Variants in LINGO2 observed in about 807,000 individuals in gnomAD.
LINGO2 encodes leucine rich repeat and Ig domain containing 2.
In LINGO2, 14 loss-of-function variants were observed where a neutral mutation model predicts 30.6. That is an observed-to-expected ratio of 0.46 (90% CI 0.30 to 0.72). The LOEUF (loss-of-function observed/expected upper bound fraction) is 0.72, where lower values mean the gene tolerates loss of function less well. Ranked by LOEUF, LINGO2 falls within the 30% of genes least tolerant of loss-of-function variation. The probability of loss-of-function intolerance (pLI) is 0.07; values close to 1 mark genes in which losing one functional copy is unlikely to be tolerated. For synonymous variants in LINGO2, 317 were observed against 288.5 expected, an observed-to-expected ratio of 1.10 and a Z score of -1.00; for missense variants, 729 against 751.7, an observed-to-expected ratio of 0.97 and a Z score of 0.35.
intron 3 of LINGO2, among the ~76,000 whole-genome samples, chr9:28,343,365 T>C (rs1212277452): frequency 6.6e-6 from 1 of 152,188 alleles, no homozygotes; most frequent in Non-Finnish European, 1.5e-5. Flanking sequence ...CAAAAAATCA[T>C]GCTCATCTCT....
At chr9:28,053,143 G>A (rs574385818) in intron 4 of LINGO2, among the ~76,000 whole-genome samples, 37 of 152,208 alleles carry the variant, frequency 2.4e-4, no homozygotes, top group African/African-American at 8.2e-4. Context: ...GAAGGCTCCA[G>A]AATTTGACTT....
chr9:28,789,153 A>C, the LINGO2 span, among the ~76,000 whole-genome samples: 1 of 152,154 alleles, frequency 6.6e-6, no homozygotes, highest in African/African-American at 2.4e-5. Flanking sequence ...GAACATTTTT[A>C]ATGTTTTACT....
At chr9:28,106,485 G>C (rs1273276526) in intron 4 of LINGO2, among the ~76,000 whole-genome samples, 2 of 152,164 alleles carry the variant, frequency 1.3e-5, no homozygotes, top group Non-Finnish European at 2.9e-5. Flanking sequence ...AAAAGTCGAA[G>C]AGGAAAACTT....
intron 2 of LINGO2, among the ~76,000 whole-genome samples, chr9:28,445,128 A>G (rs1824370726): frequency 6.6e-6 from 1 of 152,200 alleles, no homozygotes; most frequent in Admixed American, 6.5e-5. Context: ...ACTACTCCAC[A>G]TGACAATGTT....
chr9:28,538,533 C>T (rs566380750), intron 1 of LINGO2, among the ~76,000 whole-genome samples: 40 of 152,154 alleles, frequency 2.6e-4, no homozygotes, highest in African/African-American at 7.9e-4. Context: ...ACTTGACTAA[C>T]GTATTAGTCC....
At chr9:28,282,617 A>G (rs937916026) in intron 4 of LINGO2, among the ~76,000 whole-genome samples, 1 of 152,164 alleles carries the variant, frequency 6.6e-6, no homozygotes, top group Non-Finnish European at 1.5e-5. Flanking sequence ...GTACTAGGCT[A>G]TAATAACTGT....
At chr9:28,104,255 G>GTTT (rs1453019033) in intron 4 of LINGO2, among the ~76,000 whole-genome samples, 1,159 of 74,632 alleles carry the variant, frequency 0.016, 116 homozygotes, top group Non-Finnish European at 0.022. Context: ...CCCAGTACAA[G>GTTT]TTTTTTGTTT....
At chr9:28,775,127 G>A in the LINGO2 span, among the ~76,000 whole-genome samples, 3 of 152,164 alleles carry the variant, frequency 2.0e-5, no homozygotes, top group African/African-American at 2.4e-5. Context: ...AGAGTTATGA[G>A]TTGTGCCTTA....
At chr9:28,265,506 A>G (rs1018271880) in intron 4 of LINGO2, among the ~76,000 whole-genome samples, 1 of 152,064 alleles carries the variant, frequency 6.6e-6, no homozygotes, top group African/African-American at 2.4e-5. Context: ...TAAAAGTAGA[A>G]TAGATACAAT....
chr9:28,218,079 G>T (rs1000967237), intron 4 of LINGO2, among the ~76,000 whole-genome samples: 9 of 150,040 alleles, frequency 6.0e-5, no homozygotes, highest in African/African-American at 2.2e-4. Context: ...TAGATTTGAA[G>T]ACTAGGGTCT....
At chr9:28,951,480 C>A in the LINGO2 span, among the ~76,000 whole-genome samples, 1 of 152,042 alleles carries the variant, frequency 6.6e-6, no homozygotes, top group Admixed American at 6.6e-5. Flanking sequence ...CATCCTGCAC[C>A]CTGTCAGCGG....
the LINGO2 span, among the ~76,000 whole-genome samples, chr9:28,804,944 G>C: frequency 6.6e-6 from 1 of 152,074 alleles, no homozygotes; most frequent in Non-Finnish European, 1.5e-5. Context: ...ATATATGAAA[G>C]CACCTAAGGA....
the LINGO2 span, among the ~76,000 whole-genome samples, chr9:29,050,156 G>A: frequency 2.3e-3 from 357 of 152,178 alleles, 1 homozygote; most frequent in Non-Finnish European, 4.2e-3. Flanking sequence ...CTCACCAGTA[G>A]CTGGGATTAC....
chr9:29,065,698 T>C, the LINGO2 span, among the ~76,000 whole-genome samples: 13 of 151,948 alleles, frequency 8.6e-5, no homozygotes, highest in Non-Finnish European at 1.8e-4. Flanking sequence ...AAATTTGGCT[T>C]CAACCTCATT....
the LINGO2 span, among the ~76,000 whole-genome samples, chr9:28,944,591 A>G: frequency 2.6e-5 from 4 of 151,954 alleles, no homozygotes; most frequent in Non-Finnish European, 5.9e-5. Flanking sequence ...TTTTTAGTAG[A>G]GACAGGGTTT....
At chr9:28,347,838 CT>C (rs1819651796) in intron 3 of LINGO2, among the ~76,000 whole-genome samples, 1 of 152,106 alleles carries the variant, frequency 6.6e-6, no homozygotes, top group African/African-American at 2.4e-5. Context: ...TACAAATGCC[CT>C]GAGTGCTGAG....
chr9:28,800,043 A>G, the LINGO2 span, among the ~76,000 whole-genome samples: 4 of 152,064 alleles, frequency 2.6e-5, no homozygotes, highest in Non-Finnish European at 4.4e-5. Context: ...TGTTTCAAAG[A>G]TTCTATGGTA....
intron 2 of LINGO2, among the ~76,000 whole-genome samples, chr9:28,453,335 C>T (rs1053434253): frequency 3.4e-4 from 52 of 151,742 alleles, no homozygotes; most frequent in African/African-American, 1.1e-3. Flanking sequence ...AACAAATGCT[C>T]GGTTAATTTT....
chr9:28,873,761 T>C, the LINGO2 span, among the ~76,000 whole-genome samples: 1 of 152,128 alleles, frequency 6.6e-6, no homozygotes, highest in African/African-American at 2.4e-5. Flanking sequence ...AAAGTAGCTG[T>C]TTTTATTTAG....
Sources: gnomAD v4.1 joint callset for allele counts (sites outside exome capture counted in the v4.1 genomes callset) on GRCh38, gnomAD v4.1.1 for gene constraint, MANE v1.5 for transcripts, NCBI Gene and HGNC (gene_info 2026-07-23, HGNC 2026-07-21) for gene names.